The following EEA1 variants were observed in gnomAD, a reference collection of about 807,000 sequenced individuals.
The protein encoded by EEA1 is early endosome antigen 1, 162kD.
EEA1 carries 111 observed loss-of-function variants against 209.2 expected under a neutral mutation model. That is an observed-to-expected ratio of 0.53 (90% CI 0.45 to 0.62). The LOEUF (loss-of-function observed/expected upper bound fraction) is 0.62, where lower values mean the gene tolerates loss of function less well. Among genes scored for constraint, EEA1 ranks in the 20% least tolerant of loss-of-function variants. The probability of loss-of-function intolerance (pLI) is 0.00; values close to 1 mark genes in which losing one functional copy is unlikely to be tolerated. For synonymous variants in EEA1, 536 were observed against 540.6 expected (o/e 0.99, Z 0.12); for missense variants, 1,343 against 1,530.8 (o/e 0.88, Z 2.05).
At chr12:92,869,360 G>A (rs1181912298) in intron 2 of EEA1, among the ~76,000 whole-genome samples, 1 of 152,078 alleles carries the variant, frequency 6.6e-6, no homozygotes, top group African/African-American at 2.4e-5. Flanking sequence ...TTGGTTATCT[G>A]TAATCCTTTC....
chr12:92,882,175 T>C (rs537993087), intron 2 of EEA1, among the ~76,000 whole-genome samples: 2 of 152,194 alleles, frequency 1.3e-5, no homozygotes, highest in African/African-American at 2.4e-5. Context: ...TGGAGTGATC[T>C]CAGCTCACTG....
At chr12:92,862,909 T>A (rs1300684953) in intron 3 of EEA1, among the ~76,000 whole-genome samples, 2 of 152,046 alleles carry the variant, frequency 1.3e-5, no homozygotes, top group Non-Finnish European at 2.9e-5. Flanking sequence ...AAGCAGTAGG[T>A]TTAGAAGAAA....
At chr12:92,780,692 A>G (rs1873866454) in intron 23 of EEA1, among the ~76,000 whole-genome samples, 1 of 152,204 alleles carries the variant, frequency 6.6e-6, no homozygotes, top group African/African-American at 2.4e-5. Context: ...TCTTACTCTT[A>G]TAACTCCTAT....
At chr12:92,859,336 T>C (rs1479836227) in intron 3 of EEA1, 3 of 1,088,194 alleles carry the variant, frequency 2.8e-6, no homozygotes, top group Non-Finnish European at 4.1e-6. Context: ...CTTCAAGCTC[T>C]GAGGGAAAGG....
chr12:92,800,534 C>T (rs1350127552), intron 20 of EEA1, among the ~76,000 whole-genome samples: 1 of 152,146 alleles, frequency 6.6e-6, no homozygotes, highest in African/African-American at 2.4e-5. Context: ...AGCTTATCTC[C>T]ACAATGAATA....
intron 9 of EEA1, among the ~76,000 whole-genome samples, chr12:92,848,158 T>G (rs915987697): frequency 4.0e-5 from 6 of 151,862 alleles, no homozygotes; most frequent in African/African-American, 1.4e-4. Flanking sequence ...TAAATTTTTA[T>G]GAAAATTTAA....
intron 2 of EEA1, among the ~76,000 whole-genome samples, chr12:92,870,586 A>G (rs934708660): frequency 6.6e-6 from 1 of 152,138 alleles, no homozygotes; most frequent in Non-Finnish European, 1.5e-5. Flanking sequence ...AAATTGAGAC[A>G]GTCTGAGATT....
intron 1 of EEA1, among the ~76,000 whole-genome samples, chr12:92,892,547 T>G (rs1879693764): frequency 1.2e-5 from 1 of 82,674 alleles, no homozygotes; most frequent in African/African-American, 4.4e-5. Context: ...TTGACAATGC[T>G]TTCTCTTTTC....
intron 13 of EEA1, among the ~76,000 whole-genome samples, chr12:92,820,770 T>C (rs999461578): frequency 1.3e-5 from 2 of 151,706 alleles, no homozygotes; most frequent in African/African-American, 2.4e-5. Flanking sequence ...TATATATATA[T>C]ATATACACAC....
intron 2 of EEA1, among the ~76,000 whole-genome samples, chr12:92,866,155 G>A (rs1447776755): frequency 1.3e-4 from 16 of 120,846 alleles, no homozygotes; most frequent in African/African-American, 4.9e-4. Flanking sequence ...TCATGTCACT[G>A]TACTCCAGCC....
At chr12:92,883,066 C>T (rs1334236216) in intron 2 of EEA1, among the ~76,000 whole-genome samples, 5 of 152,270 alleles carry the variant, frequency 3.3e-5, no homozygotes, top group Non-Finnish European at 4.4e-5. Flanking sequence ...TCTCTGCAGC[C>T]TCACCAACAT....
At chr12:92,896,132 C>G (rs1879871829) in intron 1 of EEA1, among the ~76,000 whole-genome samples, 1 of 152,074 alleles carries the variant, frequency 6.6e-6, no homozygotes, top group African/African-American at 2.4e-5. Context: ...TGCCACCACG[C>G]CCAGCTAATT....
intron 25 of EEA1, 73 bp downstream of exon 25, chr12:92,779,042 G>T: frequency 7.5e-7 from 1 of 1,329,970 alleles, no homozygotes; most frequent in Non-Finnish European, 1.0e-6. Flanking sequence ...GATCTTATAA[G>T]TAGAACAGTC....
rs1246168724 is a variant in EEA1 at position 92,820,588 on chromosome 12, C to A, written c.1525-1077G>T. ...GGGAGGGGAACATCACACACCGGAG[C>A]CTGTTGGGGGTTGGGGGCAAGGAGA... On this transcript the variant is annotated intron_variant, in intron 13 of 28. Coordinates refer to ENST00000322349, the MANE Select transcript of EEA1 (RefSeq NM_003566.4). Among the ~76,000 whole-genome samples, 10 of 152,004 alleles carry A rather than the reference C, an allele frequency of 6.6e-5. No individual in the cohort carries two copies. In the East Asian group the frequency reaches 1.9e-3, roughly 29 times the overall value.
At chr12:92,876,595 C>T (rs1878897270) in intron 2 of EEA1, among the ~76,000 whole-genome samples, 1 of 151,986 alleles carries the variant, frequency 6.6e-6, no homozygotes, top group Non-Finnish European at 1.5e-5. Flanking sequence ...TACTCTAGAA[C>T]TATGAGAAAT....
intron 11 of EEA1, among the ~76,000 whole-genome samples, chr12:92,830,226 A>T (rs1876562970): frequency 6.6e-6 from 1 of 152,078 alleles, no homozygotes; most frequent in Non-Finnish European, 1.5e-5. Flanking sequence ...TATATAGGTA[A>T]ATTACGTGTC....
intron 9 of EEA1, among the ~76,000 whole-genome samples, chr12:92,849,179 G>C (rs1011886091): frequency 6.6e-6 from 1 of 151,946 alleles, no homozygotes; most frequent in African/African-American, 2.4e-5. Flanking sequence ...ACATTAATTT[G>C]GTTCTGTTTT....
chr12:92,791,542 G>A (rs1874404166), intron 21 of EEA1, among the ~76,000 whole-genome samples: 1 of 152,304 alleles, frequency 6.6e-6, no homozygotes, highest in East Asian at 1.9e-4. Flanking sequence ...ATTACATAAT[G>A]TTAAAGGGAT....
chr12:92,882,255 G>A (rs916901867), intron 2 of EEA1, among the ~76,000 whole-genome samples: 8 of 151,802 alleles, frequency 5.3e-5, no homozygotes, highest in Admixed American at 1.3e-4. Context: ...TTACAGTCAC[G>A]TGCCACCATG....
Sources: allele counts gnomAD v4.1 joint callset (sites outside exome capture counted in the v4.1 genomes callset), GRCh38; gene constraint gnomAD v4.1.1; transcripts MANE v1.5; gene names NCBI Gene and HGNC (gene_info 2026-07-23, HGNC 2026-07-21).